RIMS1: variants seen among roughly 807,000 people sequenced by gnomAD.
The protein encoded by RIMS1 is regulating synaptic membrane exocytosis 1, also known as regulating synaptic membrane exocytosis protein 1.
In RIMS1, 83 loss-of-function variants were observed where a neutral mutation model predicts 214.1. That is an observed-to-expected ratio of 0.39 (90% CI 0.32 to 0.47). The LOEUF (loss-of-function observed/expected upper bound fraction) is 0.47, where lower values mean the gene tolerates loss of function less well. Among genes scored for constraint, RIMS1 ranks in the 20% least tolerant of loss-of-function variants. RIMS1 has a pLI of 0.99. For synonymous variants in RIMS1, 793 were observed against 786.8 expected, an observed-to-expected ratio of 1.01 and a Z score of -0.13; for missense variants, 2,050 against 2,161.8, an observed-to-expected ratio of 0.95 and a Z score of 1.03.
At chr6:71,997,731 A>T (rs1803895768) in intron 2 of RIMS1, among the ~76,000 whole-genome samples, 1 of 152,238 alleles carries the variant, frequency 6.6e-6, no homozygotes, top group Admixed American at 6.5e-5. Flanking sequence ...GCATGTTCTT[A>T]TAAGAGAAGC....
At chr6:72,116,774 T>C (rs1333426588) in intron 4 of RIMS1, among the ~76,000 whole-genome samples, 1 of 152,016 alleles carries the variant, frequency 6.6e-6, no homozygotes, top group African/African-American at 2.4e-5. Flanking sequence ...TATCAATTTT[T>C]AAATTTCTTC....
intron 2 of RIMS1, among the ~76,000 whole-genome samples, chr6:72,055,089 T>C (rs1452019240): frequency 6.6e-6 from 1 of 152,146 alleles, no homozygotes; most frequent in Non-Finnish European, 1.5e-5. Flanking sequence ...CCATCTTGAG[T>C]TAATTTTTGT....
Position 72,233,798 on chromosome 6 carries a change from T to C in RIMS1, c.1704T>C (p.Asp568=), listed in dbSNP as rs886061708. 4 of 1,580,030 alleles carry C rather than the reference T, an allele frequency of 2.5e-6. No individual in the cohort carries two copies. In the Admixed American group the frequency reaches 7.2e-5, roughly 28 times the overall value. Residue 568 remains aspartate, a synonymous_variant, in exon 7 of 34, where the codon GAT becomes GAC. Coordinates refer to ENST00000521978, the MANE Select transcript of RIMS1 (RefSeq NM_014989.7). ...EKGDLDYYWL[D]PATWHSRETS... is the part of the protein sequence containing the mutation. ...GTGATTTGGATTATTACTGGTTGGA[T>C]CCTGCCACGTGGCACAGCCGGGAGA...
chr6:72,311,927 C>T (rs775013597), intron 27 of RIMS1, among the ~76,000 whole-genome samples: 15 of 152,028 alleles, frequency 9.9e-5, no homozygotes, highest in Non-Finnish European at 1.9e-4. Flanking sequence ...GCCAGGATCG[C>T]GCCACTGCAC....
At chr6:72,164,664 A>C (rs2046007325) in intron 4 of RIMS1, among the ~76,000 whole-genome samples, 1 of 152,218 alleles carries the variant, frequency 6.6e-6, no homozygotes, top group African/African-American at 2.4e-5. Flanking sequence ...TTTATTAGAC[A>C]GTTCCAGCTG....
chr6:72,278,160 T>TATCTATC (rs1335322884), intron 23 of RIMS1, among the ~76,000 whole-genome samples: 1 of 111,822 alleles, frequency 8.9e-6, no homozygotes, highest in Admixed American at 8.3e-5. Context: ...TTAATCTATC[T>TATCTATC]ATCTATCTAT....
chr6:72,259,152 G>C, intron 18 of RIMS1, 41 bp downstream of exon 18: 1 of 1,582,662 alleles, frequency 6.3e-7, no homozygotes, highest in East Asian at 2.3e-5. Context: ...TGAATTTTTT[G>C]TTCTGTTTTA....
At chr6:71,897,748 T>C (rs566253006) in intron 1 of RIMS1, among the ~76,000 whole-genome samples, 3 of 152,278 alleles carry the variant, frequency 2.0e-5, no homozygotes, top group African/African-American at 7.2e-5. Context: ...CCATTCTTAT[T>C]TGAATCCCTC....
chr6:72,263,879 G>A, intron 19 of RIMS1: 1 of 375,630 alleles, frequency 2.7e-6, no homozygotes, highest in Non-Finnish European at 3.7e-6. Flanking sequence ...TGTAATCCCA[G>A]CTACTTGGGA....
chr6:72,356,828 T>C (rs1353794000), intron 29 of RIMS1, among the ~76,000 whole-genome samples: 1 of 152,114 alleles, frequency 6.6e-6, no homozygotes, highest in Non-Finnish European at 1.5e-5. Flanking sequence ...TATCATATAC[T>C]AATGTTTACT....
chr6:72,074,341 A>G lies in RIMS1; in HGVS notation c.246-22608A>G, dbSNP rs143797395. Among the ~76,000 whole-genome samples, 368 of 152,292 alleles carry G rather than the reference A, an allele frequency of 2.4e-3. 1 individual carries two copies. The highest frequency in any genetic ancestry group is 8.3e-3 in the African/African-American group (343 of 41,566). On this transcript the variant is annotated intron_variant, in intron 2 of 33. Transcript: ENST00000521978. ...GTTTGAAATCTAGGCAGAAGCAGAA[A>G]TACTAAAATGTAGGTCTGACTTATT...
chr6:72,313,800 T>TA, intron 28 of RIMS1, 128 bp downstream of exon 28: 1 of 902,734 alleles, frequency 1.1e-6, no homozygotes, highest in Non-Finnish European at 1.6e-6. Flanking sequence ...TCGACTACTA[T>TA]GTAGTATTGC....
At chr6:72,189,196 A>C (rs1204541693) in intron 6 of RIMS1, among the ~76,000 whole-genome samples, 3 of 152,214 alleles carry the variant, frequency 2.0e-5, no homozygotes, top group African/African-American at 7.2e-5. Flanking sequence ...ACTGATTCAG[A>C]GCATACACAG....
chr6:72,150,031 G>T (rs949534915), intron 4 of RIMS1, among the ~76,000 whole-genome samples: 1 of 152,242 alleles, frequency 6.6e-6, no homozygotes, highest in East Asian at 1.9e-4. Flanking sequence ...GAAAGGTGAG[G>T]GGGGTGGAGA....
chr6:71,942,714 CA>C (rs1426508111), intron 1 of RIMS1, among the ~76,000 whole-genome samples: 11 of 151,320 alleles, frequency 7.3e-5, no homozygotes, highest in Non-Finnish European at 1.5e-4. Context: ...TCAAAAGTGA[CA>C]AAAAAATTAG....
intron 2 of RIMS1, among the ~76,000 whole-genome samples, chr6:72,068,389 T>C (rs891855130): frequency 1.3e-5 from 2 of 152,174 alleles, no homozygotes; most frequent in African/African-American, 2.4e-5. Flanking sequence ...GCTTAAGCAC[T>C]GATAGATAAA....
At chr6:72,078,626 C>G (rs1483691022) in intron 2 of RIMS1, among the ~76,000 whole-genome samples, 1 of 152,010 alleles carries the variant, frequency 6.6e-6, no homozygotes, top group East Asian at 1.9e-4. Flanking sequence ...TACCTGTTTG[C>G]TTCATTAGGT....
At chr6:72,186,293 C>G (rs936416682) in intron 6 of RIMS1, among the ~76,000 whole-genome samples, 2 of 152,200 alleles carry the variant, frequency 1.3e-5, no homozygotes, top group Non-Finnish European at 2.9e-5. Context: ...GTAAAAAGTT[C>G]ATACTCCAAA....
chr6:72,091,946 A>G (rs1475546724), intron 2 of RIMS1, among the ~76,000 whole-genome samples: 1 of 152,232 alleles, frequency 6.6e-6, no homozygotes, highest in Non-Finnish European at 1.5e-5. Context: ...CTGTAAGACC[A>G]TTTAATAAAA....
Sources: allele counts gnomAD v4.1 joint callset (sites outside exome capture counted in the v4.1 genomes callset), GRCh38; gene constraint gnomAD v4.1.1; transcripts MANE v1.5; gene names NCBI Gene and HGNC (gene_info 2026-07-23, HGNC 2026-07-21).